IMMP2L: variants seen among roughly 807,000 people sequenced by gnomAD.
The protein encoded by IMMP2L is mitochondrial inner membrane protease subunit 2.
Under a neutral mutation model 19.3 loss-of-function variants are expected in IMMP2L, and 18 were observed. That is an observed-to-expected ratio of 0.93 (90% CI 0.64 to 1.38). IMMP2L has a LOEUF of 1.38. Among genes scored for constraint, IMMP2L ranks in the 40% most tolerant of loss-of-function variants. IMMP2L has a pLI of 0.00. For missense variants in IMMP2L, 233 were observed against 218.2 expected (o/e 1.07, Z -0.43); for synonymous variants, 76 against 73.0 (o/e 1.04, Z -0.21).
chr7:110,894,088 G>T (rs1811081546), intron 4 of IMMP2L, among the ~76,000 whole-genome samples: 1 of 151,998 alleles, frequency 6.6e-6, no homozygotes, highest in African/African-American at 2.4e-5. Flanking sequence ...CAGACCACCT[G>T]ACAGGTAAGA....
intron 3 of IMMP2L, among the ~76,000 whole-genome samples, chr7:111,035,868 T>A (rs1791292336): frequency 6.6e-6 from 1 of 152,146 alleles, no homozygotes; most frequent in Non-Finnish European, 1.5e-5. Context: ...ATCTATACAC[T>A]GTATAACATT....
At chr7:111,132,967 T>C (rs1801989308) in intron 3 of IMMP2L, among the ~76,000 whole-genome samples, 1 of 152,042 alleles carries the variant, frequency 6.6e-6, no homozygotes, top group South Asian at 2.1e-4. Context: ...TGTTGACCTA[T>C]GTTCTCATCC....
At chr7:111,443,869 T>C (rs537239110) in intron 3 of IMMP2L, among the ~76,000 whole-genome samples, 2 of 152,270 alleles carry the variant, frequency 1.3e-5, no homozygotes, top group African/African-American at 2.4e-5. Flanking sequence ...TTTGATTTTT[T>C]ATCTATTAGA....
At chr7:110,771,416 G>T (rs1799024337) in intron 5 of IMMP2L, among the ~76,000 whole-genome samples, 1 of 152,088 alleles carries the variant, frequency 6.6e-6, no homozygotes, top group Non-Finnish European at 1.5e-5. Flanking sequence ...AAATGAAAAG[G>T]ACCTTGGCAG....
intron 3 of IMMP2L, among the ~76,000 whole-genome samples, chr7:111,080,513 T>A (rs973731989): frequency 9.2e-5 from 14 of 151,650 alleles, no homozygotes; most frequent in Non-Finnish European, 1.8e-4. Context: ...ATATATAATG[T>A]GTGTATAATA....
rs538455544 is a variant in IMMP2L at position 111,138,831 on chromosome 7, T to C, written c.240-175266A>G. 3.3e-5 allele frequency among the ~76,000 whole-genome samples: 5 copies of C among 152,288 alleles called. No individual in the cohort carries two copies. In the South Asian group the frequency reaches 8.3e-4, roughly 25 times the overall value. ...ACATTATTTGGTCACTTGCCTGGAA[T>C]AGCTTGGCATTTCTGCACCCTCAAG... On this transcript the variant is annotated intron_variant, in intron 3 of 5. Coordinates refer to ENST00000405709, the MANE Select transcript of IMMP2L (RefSeq NM_032549.4).
At chr7:111,420,524 T>A (rs1400556394) in intron 3 of IMMP2L, among the ~76,000 whole-genome samples, 3 of 151,648 alleles carry the variant, frequency 2.0e-5, no homozygotes, top group Non-Finnish European at 4.4e-5. Flanking sequence ...ATCTTTTACA[T>A]TAGGTATTTC....
chr7:111,383,726 AC>A (rs2131253292), intron 3 of IMMP2L, among the ~76,000 whole-genome samples: 1 of 152,086 alleles, frequency 6.6e-6, no homozygotes, highest in African/African-American at 2.4e-5. Context: ...ACCTCCAAAA[AC>A]CCTAGTGACA....
intron 3 of IMMP2L, among the ~76,000 whole-genome samples, chr7:111,287,293 T>C (rs1181467210): frequency 6.6e-6 from 1 of 152,098 alleles, no homozygotes; most frequent in East Asian, 1.9e-4. Flanking sequence ...ACAAAATGAA[T>C]CTCTAAACGT....
intron 4 of IMMP2L, chr7:110,963,228 A>G: frequency 1.5e-6 from 1 of 649,192 alleles, no homozygotes; most frequent in Non-Finnish European, 2.5e-6. Flanking sequence ...TCTGATCAAT[A>G]ATGATTTAAT....
intron 3 of IMMP2L, among the ~76,000 whole-genome samples, chr7:111,254,001 A>G (rs754078355): frequency 3.3e-5 from 5 of 152,176 alleles, no homozygotes; most frequent in Admixed American, 6.6e-5. Context: ...CATAATATTT[A>G]TGGAAATTAT....
intron 3 of IMMP2L, among the ~76,000 whole-genome samples, chr7:111,228,994 TG>T: frequency 6.6e-6 from 1 of 151,698 alleles, no homozygotes; most frequent in Non-Finnish European, 1.5e-5. Flanking sequence ...TGTGTGTGTG[TG>T]TGTGTGTGTG....
intron 4 of IMMP2L, among the ~76,000 whole-genome samples, chr7:110,899,166 G>T (rs1811616822): frequency 6.6e-6 from 1 of 151,790 alleles, no homozygotes; most frequent in Non-Finnish European, 1.5e-5. Context: ...TTTGCATTTG[G>T]CTTTTTAACC....
chr7:111,114,267 TA>T (rs1291157944), intron 3 of IMMP2L, among the ~76,000 whole-genome samples: 10 of 152,298 alleles, frequency 6.6e-5, no homozygotes, highest in Non-Finnish European at 7.4e-5. Flanking sequence ...GTACAGCTCC[TA>T]AGGATCTTTT....
chr7:111,073,713 T>C (rs1374753318), intron 3 of IMMP2L, among the ~76,000 whole-genome samples: 3 of 152,212 alleles, frequency 2.0e-5, no homozygotes, highest in African/African-American at 7.2e-5. Flanking sequence ...AGGCATCTTC[T>C]GTTAACTCTC....
chr7:111,008,585 A>G (rs1238198060), intron 3 of IMMP2L, among the ~76,000 whole-genome samples: 1 of 151,944 alleles, frequency 6.6e-6, no homozygotes, highest in East Asian at 1.9e-4. Context: ...ACGTGCACAC[A>G]CACACACACA....
chr7:111,328,607 T>A (rs1332453757), intron 3 of IMMP2L, among the ~76,000 whole-genome samples: 1 of 151,870 alleles, frequency 6.6e-6, no homozygotes, highest in African/African-American at 2.4e-5. Flanking sequence ...AGAGGTGTGT[T>A]ACGTCTTAGA....
At chr7:111,446,356 A>G (rs2131850210) in intron 3 of IMMP2L, among the ~76,000 whole-genome samples, 1 of 142,282 alleles carries the variant, frequency 7.0e-6, no homozygotes, top group East Asian at 1.9e-4. Flanking sequence ...ACAGCTGGAG[A>G]TCTGAGAACA....
At chr7:111,312,081 C>T (rs562996709) in intron 3 of IMMP2L, among the ~76,000 whole-genome samples, 1 of 152,254 alleles carries the variant, frequency 6.6e-6, no homozygotes, top group South Asian at 2.1e-4. Context: ...GATAAACCCA[C>T]TGCAACATTC....
Sources: gnomAD v4.1 joint callset for allele counts (sites outside exome capture counted in the v4.1 genomes callset) on GRCh38, gnomAD v4.1.1 for gene constraint, MANE v1.5 for transcripts, NCBI Gene and HGNC (gene_info 2026-07-23, HGNC 2026-07-21) for gene names.